HMMR: variants seen among roughly 807,000 people sequenced by gnomAD.
HMMR encodes the protein intracellular hyaluronic acid-binding protein.
HMMR carries 108 observed loss-of-function variants against 101.0 expected under a neutral mutation model. That is an observed-to-expected ratio of 1.07 (90% CI 0.92 to 1.25). The LOEUF is 1.25. HMMR is among the 50% of genes most tolerant of loss of function. HMMR has a pLI of 0.00. For synonymous variants in HMMR, 296 were observed against 276.4 expected (o/e 1.07, Z -0.70); for missense variants, 813 against 788.7 (o/e 1.03, Z -0.37).
Position 163,471,485 on chromosome 5 carries a change from G to T in HMMR, c.650+22G>T, listed in dbSNP as rs575510708. The T allele has an allele frequency of 2.7e-6, 4 of 1,509,242 alleles. No homozygotes were observed. In the African/African-American group the frequency reaches 5.5e-5, roughly 21 times the overall value. 93.5% of individuals were successfully genotyped at this position (1,509,242 alleles called of 1,614,324 possible). On this transcript the variant is annotated intron_variant, in intron 7 of 17. Transcript: ENST00000393915. ...AACTGTAAGTGAGTGAATGTGAAGA[G>T]AAATTGTTAAGTGGAAGCAATTCTT...
At chr5:163,479,772 A>T (rs2113496106) in intron 12 of HMMR, among the ~76,000 whole-genome samples, 1 of 152,178 alleles carries the variant, frequency 6.6e-6, no homozygotes, top group Non-Finnish European at 1.5e-5. Flanking sequence ...TTAACCCCAA[A>T]TTCTACTCCT....
intron 12 of HMMR, 42 bp downstream of exon 12, chr5:163,478,842 C>T (rs753213454): frequency 9.5e-7 from 1 of 1,055,028 alleles, no homozygotes; most frequent in Non-Finnish European, 1.5e-6. Flanking sequence ...ATGATGTGTG[C>T]AGAAAGGGGT....
chr5:163,480,757 C>T (rs1759225619), intron 12 of HMMR, among the ~76,000 whole-genome samples: 1 of 152,094 alleles, frequency 6.6e-6, no homozygotes, highest in South Asian at 2.1e-4. Flanking sequence ...TTTCCTTTTC[C>T]ATAAAATGCT....
chr5:163,490,238 A>G, intron 16 of HMMR, 152 bp from the exon 17 acceptor site: 2 of 511,110 alleles, frequency 3.9e-6, no homozygotes, highest in East Asian at 6.8e-5. Flanking sequence ...TCATTTTGTA[A>G]TTCAGTCTTA....
chr5:163,487,560 T>C (rs78727913), intron 16 of HMMR, among the ~76,000 whole-genome samples: 6,800 of 152,226 alleles, frequency 0.045, 165 homozygotes, highest in East Asian at 0.056. Flanking sequence ...TTGGTTTTTC[T>C]TGTGAATATT....
chr5:163,490,230 A>G (rs548598432), intron 16 of HMMR, among the ~76,000 whole-genome samples, 160 bp from the exon 17 acceptor site: 8 of 152,228 alleles, frequency 5.3e-5, no homozygotes, highest in African/African-American at 1.7e-4. Context: ...GTTTCATGTC[A>G]TTTTGTAATT....
At position 163,469,739 on chromosome 5, in the gene HMMR, A is replaced by G; in HGVS notation, c.372A>G (p.Leu124=). The part of the protein sequence containing the change: ...EKMEARLNAA[L]REKTSLSANN... Reference sequence around the variant, plus strand: ...TGGAAGCAAGGCTAAATGCTGCACTAAGGGAAAAAACATCTCTCTCTGCAA... The same window carrying G: ...TGGAAGCAAGGCTAAATGCTGCACTGAGGGAAAAAACATCTCTCTCTGCAA... Residue 124 remains leucine, a synonymous_variant, in exon 5 of 18, where the codon CTA becomes CTG. Coordinates refer to ENST00000393915, the MANE Select transcript of HMMR (RefSeq NM_001142556.2). 1 of 1,613,220 alleles carries G rather than the reference A, an allele frequency of 6.2e-7. No homozygotes were observed. The highest frequency in any genetic ancestry group is 1.1e-5 in the South Asian group (1 of 91,058).
intron 16 of HMMR, among the ~76,000 whole-genome samples, chr5:163,485,007 C>T (rs533697290): frequency 2.0e-5 from 3 of 152,100 alleles, no homozygotes; most frequent in African/African-American, 7.2e-5. Context: ...TTTATTTATT[C>T]GTTTGTCAGT....
At position 163,484,237 on chromosome 5, in the gene HMMR, C is replaced by G. The variant is rs778135212; in HGVS notation, c.1954C>G (p.Leu652Val). 1 of 1,580,878 alleles carries G rather than the reference C, an allele frequency of 6.3e-7. No homozygotes were observed. Among genetic ancestry groups the G allele is most frequent in the Non-Finnish European group, 8.6e-7 (1 of 1,160,218 alleles). The change falls in exon 16 of 18, where the codon CTC (leucine) becomes GTC (valine). Residue 652 changes from leucine to valine, a missense_variant. Physicochemically the swap from Leu to Val is conservative, Grantham distance 32. Coordinates refer to ENST00000393915, the MANE Select transcript of HMMR (RefSeq NM_001142556.2). The stretch of plus-strand genomic sequence containing the variant: ...GAAGTTGAAAGATGAAAATAGCCAA[C>G]TCAAATCGGTTTGTAAAATGACTTT... The part of the protein sequence containing the change: ...VVKLKDENSQ[L>V]KSEVSKLRCQ...
chr5:163,466,701 G>A (rs1252609893), intron 3 of HMMR, among the ~76,000 whole-genome samples: 1 of 151,984 alleles, frequency 6.6e-6, no homozygotes, highest in East Asian at 1.9e-4. Context: ...TAAAGACTTA[G>A]TACAAAAATA....
intron 11 of HMMR, among the ~76,000 whole-genome samples, chr5:163,476,728 A>T (rs1478564022): frequency 6.6e-6 from 1 of 152,206 alleles, no homozygotes; most frequent in Non-Finnish European, 1.5e-5. Flanking sequence ...TCTTATTTAC[A>T]GTAGAAAGAC....
chr5:163,488,648 T>C (rs1453708815), intron 16 of HMMR, among the ~76,000 whole-genome samples: 1 of 152,202 alleles, frequency 6.6e-6, no homozygotes, highest in Non-Finnish European at 1.5e-5. Flanking sequence ...GGATGACACT[T>C]GCTTTGGTAG....
chr5:163,474,676 C>T lies in HMMR; in HGVS notation c.1053+471C>T. The T allele has an allele frequency of 2.4e-5, 10 of 414,510 alleles. 1 individual carries two copies. Among genetic ancestry groups the T allele is most frequent in the South Asian group, 1.7e-4 (10 of 57,286 alleles). The allele number at this position is 414,510 out of a possible 1,614,324, so 25.7% of individuals were successfully genotyped here. A position where few individuals can be genotyped will look rare whatever the true frequency, so the allele number is the denominator to read the frequency against. ...CCTGTAAATATAGAAAGATACTCCA[C>T]CTTAGTAGTAACCAAGGAAGTAGAA... On this transcript the variant is annotated intron_variant, in intron 10 of 17. Coordinates refer to ENST00000393915, the MANE Select transcript of HMMR (RefSeq NM_001142556.2).
intron 3 of HMMR, 186 bp downstream of exon 3, chr5:163,464,988 A>T: frequency 3.6e-6 from 2 of 560,362 alleles, no homozygotes; most frequent in Non-Finnish European, 6.3e-6. Flanking sequence ...ATTATGTTTA[A>T]ATGTGCCCTT....
Position 163,489,542 on chromosome 5 carries a change from A to C in HMMR, c.1963-848A>C, listed in dbSNP as rs143047587. On this transcript the variant is annotated intron_variant, in intron 16 of 17. Coordinates refer to ENST00000393915, the MANE Select transcript of HMMR (RefSeq NM_001142556.2). ...GTGACATCCTCTGCCCTAGGAGCTG[A>C]GTTTTCAGTGGACTTGTGGGGAAGA... 3.4e-3 allele frequency among the ~76,000 whole-genome samples: 514 copies of C among 152,180 alleles called. 3 individuals are homozygous for C. Among genetic ancestry groups the C allele is most frequent in the African/African-American group, 0.012 (491 of 41,506 alleles).
intron 7 of HMMR, among the ~76,000 whole-genome samples, 176 bp downstream of exon 7, chr5:163,471,639 A>G (rs1758894015): frequency 6.6e-6 from 1 of 152,092 alleles, no homozygotes; most frequent in African/African-American, 2.4e-5. Context: ...ATTCTCAAAC[A>G]TGTTGTGCTA....
At position 163,479,509 on chromosome 5, in the gene HMMR, A is replaced by G. The variant is rs1037250402; in HGVS notation, c.1385+709A>G. ...AATAGAGTAAGACCTTGTTTCTACA[A>G]AAAAAAATATTAAGAATTAGCCAGG... On this transcript the variant is annotated intron_variant, in intron 12 of 17. Transcript: ENST00000393915. Among the ~76,000 whole-genome samples, 3 of 151,676 alleles carry G rather than the reference A, an allele frequency of 2.0e-5. 1 individual carries two copies. Among genetic ancestry groups the G allele is most frequent in the Non-Finnish European group, 4.4e-5 (3 of 67,886 alleles).
At chr5:163,480,799 GTTA>G (rs1759227569) in intron 12 of HMMR, among the ~76,000 whole-genome samples, 1 of 152,054 alleles carries the variant, frequency 6.6e-6, no homozygotes, top group African/African-American at 2.4e-5. Context: ...TGTCTATAGG[GTTA>G]TCATCTTTTC....
Position 163,478,724 on chromosome 5 carries a change from C to G in HMMR, c.1309C>G (p.Gln437Glu). The G allele has an allele frequency of 1.9e-6, 3 of 1,613,374 alleles. No homozygotes were observed. Among genetic ancestry groups the G allele is most frequent in the Non-Finnish European group, 2.5e-6 (3 of 1,179,374 alleles). Reference sequence around the variant, plus strand: ...GGAGAAAAGTAGTGCTGCTCATACCCAGGCCACCCTGCTTTTGCAGGAAAA... The same window carrying G: ...GGAGAAAAGTAGTGCTGCTCATACCGAGGCCACCCTGCTTTTGCAGGAAAA... ...ELEKSSAAHT[Q>E]ATLLLQEKYD... The change falls in exon 12 of 18, where the codon CAG becomes GAG. Residue 437 changes from glutamine to glutamate, a missense_variant. Gln to Glu is a conservative substitution (Grantham distance 29, BLOSUM62 2). Coordinates refer to ENST00000393915, the MANE Select transcript of HMMR (RefSeq NM_001142556.2).
Sources: gnomAD v4.1 joint callset for allele counts (sites outside exome capture counted in the v4.1 genomes callset) on GRCh38, gnomAD v4.1.1 for gene constraint, MANE v1.5 for transcripts, NCBI Gene and HGNC (gene_info 2026-07-23, HGNC 2026-07-21) for gene names.